Variants in P4HA2 observed in about 807,000 individuals in gnomAD.
P4HA2 encodes prolyl 4-hydroxylase subunit alpha 2.
A neutral mutation model predicts 76.9 loss-of-function variants in P4HA2; 46 were observed. The ratio of observed to expected loss-of-function variants is 0.60; its 90% CI spans 0.47 to 0.76. The LOEUF is 0.76. Among genes scored for constraint, P4HA2 ranks in the 30% least tolerant of loss-of-function variants. The pLI is 0.00. For missense variants in P4HA2, 583 were observed against 669.4 expected, an observed-to-expected ratio of 0.87 and a Z score of 1.42; for synonymous variants, 243 against 254.0, an observed-to-expected ratio of 0.96 and a Z score of 0.41.
In P4HA2 at chr5:132,190,840, T is replaced by G. The variant is rs1208648813; in HGVS notation, c.*2170A>C. Among the ~76,000 whole-genome samples, 3 of 152,190 alleles carry G rather than the reference T, an allele frequency of 2.0e-5. No individual in the cohort carries two copies. The highest frequency in any genetic ancestry group is 7.2e-5 in the African/African-American group (3 of 41,428). ...AGAACTTGTGTACATATTTTAAAAT[T>G]TGTATGAATAAGAACACTTGAAGAA... On this transcript the variant is annotated 3_prime_UTR_variant, in exon 15 of 15. Transcript: ENST00000360568.
chr5:132,213,953 C>A lies in P4HA2; in HGVS notation c.432G>T (p.Arg144Ser). 2.5e-6 allele frequency: 4 copies of A among 1,614,192 alleles called. No individual in the cohort carries two copies. Among genetic ancestry groups the A allele is most frequent in the Non-Finnish European group, 3.4e-6 (4 of 1,180,012 alleles). ...KALMRLQDTY[R>S]LDPGTISRGE... ...CTCTGGAAATTGTGCCTGGGTCCAGCCTGTATGTGTCCTGAAGTCTCATCA... is the reference window on the plus strand; with the variant it reads ...CTCTGGAAATTGTGCCTGGGTCCAGACTGTATGTGTCCTGAAGTCTCATCA... Residue 144 changes from arginine to serine, a missense_variant, in exon 5 of 15, where the codon AGG (arginine) becomes AGT (serine). Physicochemically the swap from Arg to Ser is moderately radical, Grantham distance 110 (BLOSUM62 -1). Transcript: ENST00000360568.
At chr5:132,206,294 G>A (rs1057063505) in intron 8 of P4HA2, among the ~76,000 whole-genome samples, 11 of 152,156 alleles carry the variant, frequency 7.2e-5, no homozygotes. Context: ...GAGCTGAGTA[G>A]AAAGGGGAGT....
chr5:132,217,124 C>A, intron 4 of P4HA2, 73 bp downstream of exon 4: 3 of 1,466,236 alleles, frequency 2.0e-6, no homozygotes, highest in South Asian at 1.3e-5. Context: ...CCAAGACAGG[C>A]TCAGACACAA....
At chr5:132,213,592 G>C (rs1027993661) in intron 5 of P4HA2, among the ~76,000 whole-genome samples, 15 of 152,198 alleles carry the variant, frequency 9.9e-5, no homozygotes, top group Non-Finnish European at 1.8e-4. Flanking sequence ...AAAGACATTG[G>C]AGGGTGGGAG....
chr5:132,206,466 T>C (rs571893007), intron 8 of P4HA2, among the ~76,000 whole-genome samples: 8 of 152,320 alleles, frequency 5.3e-5, no homozygotes, highest in South Asian at 2.1e-4. Flanking sequence ...GGTCTCTCCA[T>C]GAGTGTCGGG....
chr5:132,226,214 G>C (rs1004024754), intron 1 of P4HA2, among the ~76,000 whole-genome samples: 1 of 152,148 alleles, frequency 6.6e-6, no homozygotes, highest in Non-Finnish European at 1.5e-5. Flanking sequence ...ACAAGCAGCA[G>C]ACCCCAAAAA....
At position 132,198,320 on chromosome 5, in the gene P4HA2, C is replaced by T. The variant is rs749945318; in HGVS notation, c.1365+1G>A. 28 of 1,614,034 alleles carry T rather than the reference C, an allele frequency of 1.7e-5. No homozygotes were observed. The highest frequency in any genetic ancestry group is 4.5e-5 in the East Asian group (2 of 44,908). On this transcript the variant is annotated splice_donor_variant, in intron 12 of 14. Transcript: ENST00000360568. LOFTEE classifies it high-confidence loss of function. Reference sequence around the variant, plus strand: ...CAGGTGGGCCTGGACCCAGTACTTACGTAGTTAAGAAACGTCGCTAACCTA... The same window carrying T: ...CAGGTGGGCCTGGACCCAGTACTTATGTAGTTAAGAAACGTCGCTAACCTA...
chr5:132,197,844 A>C (rs1314376733), intron 12 of P4HA2: 1 of 237,688 alleles, frequency 4.2e-6, no homozygotes, highest in African/African-American at 2.3e-5. Context: ...TTAGATGATG[A>C]AAATAGATGG....
At chr5:132,211,122 G>A (rs925502809) in intron 5 of P4HA2, among the ~76,000 whole-genome samples, 1 of 152,230 alleles carries the variant, frequency 6.6e-6, no homozygotes, top group Non-Finnish European at 1.5e-5. Context: ...GGGAGGCCAA[G>A]AGCCAAGGTT....
In P4HA2 at chr5:132,204,171, G is replaced by A. The variant is rs115948121; in HGVS notation, c.1081-19C>T. On this transcript the variant is annotated intron_variant, in intron 8 of 14. Coordinates refer to ENST00000360568, the MANE Select transcript of P4HA2 (RefSeq NM_001017974.2). ...GTGCAAGCTAGAAGGAAGGAGGAGA[G>A]GGAAGACTTGATTTGTTTGTTTGTT... is the stretch of plus-strand genomic sequence containing the variant. 6,520 of 1,589,388 alleles carry A rather than the reference G, an allele frequency of 4.1e-3. 167 individuals carry two copies. In the African/African-American group the frequency reaches 0.061, roughly 15 times the overall value.
At chr5:132,207,921 A>G in intron 7 of P4HA2, 37 bp from the exon 8 acceptor site, 1 of 1,498,070 alleles carries the variant, frequency 6.7e-7, no homozygotes, top group Non-Finnish European at 9.0e-7. Flanking sequence ...GAGCTGAGTG[A>G]GTCCTAATCC....
In P4HA2 at chr5:132,193,948, A is replaced by G. The variant is rs143688821; in HGVS notation, c.1532-868T>C. 5.3e-5 allele frequency among the ~76,000 whole-genome samples: 8 copies of G among 152,224 alleles called. No homozygotes were observed. In the East Asian group the frequency reaches 1.4e-3, roughly 26 times the overall value. ...TATAATGATAAATAGCACTCCTCCT[A>G]AGCCTCTCCTTCCCATCCCTAATCT... On this transcript the variant is annotated intron_variant, in intron 14 of 14. Transcript: ENST00000360568.
chr5:132,217,793 C>T lies in P4HA2; in HGVS notation c.138G>A (p.Glu46=), dbSNP rs200223337. 9 of 1,613,302 alleles carry T rather than the reference C, an allele frequency of 5.6e-6. No homozygotes were observed. Among genetic ancestry groups the T allele is most frequent in the Admixed American group, 5.0e-5 (3 of 60,024 alleles). ...AEKELVQSLK[E]YILVEEAKLS... ...GCTTGGCTTCCTCCACAAGGATGTACTCTTTCAGAGACTGCACCAGCTCTT... is the reference window on the plus strand; with the variant it reads ...GCTTGGCTTCCTCCACAAGGATGTATTCTTTCAGAGACTGCACCAGCTCTT... Residue 46 remains glutamate, a synonymous_variant, in exon 3 of 15, where the codon GAG becomes GAA. Transcript: ENST00000360568.
At chr5:132,213,880 C>A in intron 5 of P4HA2, 36 bp downstream of exon 5, 1 of 1,607,730 alleles carries the variant, frequency 6.2e-7, no homozygotes, top group Non-Finnish European at 8.5e-7. Context: ...TAAAGAGACA[C>A]ATGCGGGACA....
chr5:132,190,394 T>C lies in P4HA2; in HGVS notation c.*2616A>G, dbSNP rs972299924. Among the ~76,000 whole-genome samples the C allele has an allele frequency of 2.6e-5, 4 of 152,200 alleles. No individual in the cohort carries two copies. Among genetic ancestry groups the C allele is most frequent in the Admixed American group, 2.6e-4 (4 of 15,286 alleles). On this transcript the variant is annotated 3_prime_UTR_variant, in exon 15 of 15. Coordinates refer to ENST00000360568, the MANE Select transcript of P4HA2 (RefSeq NM_001017974.2). The stretch of plus-strand genomic sequence containing the variant: ...CTGGCTTCCTGTTAGGGTCTACCAA[T>C]GGAAGCCACTAGAGGGAGATTAGAC...
rs112906984 is a variant in P4HA2, at chr5:132,191,022, C to T, written c.*1988G>A. ...TCATGGTTATGGGAACTGGAAAGTC[C>T]GAGATCAAGATGCTAGTAGGTTTGT... On this transcript the variant is annotated 3_prime_UTR_variant, in exon 15 of 15. Transcript: ENST00000360568. Among the ~76,000 whole-genome samples the T allele has an allele frequency of 0.021, 3,121 of 152,206 alleles. 123 individuals are homozygous for T. Among genetic ancestry groups the T allele is most frequent in the African/African-American group, 0.071 (2,957 of 41,502 alleles).
intron 8 of P4HA2, among the ~76,000 whole-genome samples, chr5:132,206,143 G>T (rs1314163556): frequency 6.6e-6 from 1 of 152,062 alleles, no homozygotes. Flanking sequence ...ACTACCCTCT[G>T]GCCAGCCACA....
chr5:132,204,163 G>A lies in P4HA2; in HGVS notation c.1081-11C>T. 1 of 1,601,348 alleles carries A rather than the reference G, an allele frequency of 6.2e-7. No individual in the cohort carries two copies. Among genetic ancestry groups the A allele is most frequent in the Non-Finnish European group, 8.6e-7 (1 of 1,168,228 alleles). On this transcript the variant is annotated splice_polypyrimidine_tract_variant and intron_variant, in intron 8 of 14. Transcript: ENST00000360568. ...GGTGGCTCGTGCAAGCTAGAAGGAA[G>A]GAGGAGAGGGAAGACTTGATTTGTT...
chr5:132,210,339 G>C lies in P4HA2; in HGVS notation c.654C>G (p.Phe218Leu), dbSNP rs148740080. ...QVLDYLSYAV[F>L]QLGDLHRALE... ...GGGCACGGTGCAGATCACCCAACTG[G>C]AAGACAGCATAGCTGAGGTAGTCCA... Residue 218 changes from phenylalanine (F) to leucine (L), a missense_variant, in exon 6 of 15, where the codon TTC becomes TTG. By Grantham distance (22) the Phe-to-Leu change is conservative. Coordinates refer to ENST00000360568, the MANE Select transcript of P4HA2 (RefSeq NM_001017974.2). The C allele has an allele frequency of 4.6e-4, 749 of 1,614,094 alleles. 6 individuals carry two copies. Among genetic ancestry groups the C allele is most frequent in the Admixed American group, 2.5e-4 (15 of 60,030 alleles).
Sources: allele counts gnomAD v4.1 joint callset (sites outside exome capture counted in the v4.1 genomes callset), GRCh38; gene constraint gnomAD v4.1.1; transcripts MANE v1.5; gene names NCBI Gene and HGNC (gene_info 2026-07-23, HGNC 2026-07-21).